LPAR6: variants seen among roughly 807,000 people sequenced by gnomAD.
The protein encoded by LPAR6 is G-protein coupled purinergic receptor P2Y5.
In LPAR6, 17 loss-of-function variants were observed where a neutral mutation model predicts 22.0. The observed-to-expected ratio is 0.77, with a 90% CI of 0.53 to 1.16. LPAR6 has a LOEUF of 1.16. Among genes scored for constraint, LPAR6 ranks in the 50% most tolerant of loss-of-function variants. The pLI is 0.00. For missense variants in LPAR6, 384 were observed against 406.9 expected (o/e 0.94, Z 0.48); for synonymous variants, 136 against 139.8 (o/e 0.97, Z 0.19).
At chr13:48,402,879 C>T (rs1484608912) in intron 1 of LPAR6, among the ~76,000 whole-genome samples, 1 of 152,000 alleles carries the variant, frequency 6.6e-6, no homozygotes, top group Non-Finnish European at 1.5e-5. Context: ...ACCTATATGA[C>T]ATATAAATCA....
At chr13:48,403,782 A>G (rs1376104356) in intron 1 of LPAR6, among the ~76,000 whole-genome samples, 1 of 152,074 alleles carries the variant, frequency 6.6e-6, no homozygotes, top group Non-Finnish European at 1.5e-5. Flanking sequence ...TCTGGGTACT[A>G]CACTTTGTGA....
downstream of LPAR6, among the ~76,000 whole-genome samples, chr13:48,409,852 T>G (rs1344433722): frequency 6.6e-6 from 1 of 152,126 alleles, no homozygotes; most frequent in Non-Finnish European, 1.5e-5. Context: ...GTGCTAGGAT[T>G]ACAGGTGTGA....
At chr13:48,401,749 G>A (rs181932437) in intron 1 of LPAR6, among the ~76,000 whole-genome samples, 5 of 152,260 alleles carry the variant, frequency 3.3e-5, no homozygotes, top group Admixed American at 6.5e-5. Flanking sequence ...ATAAGGAAAC[G>A]TAGAATAGGA....
chr13:48,398,407 C>A (rs1037747439), intron 1 of LPAR6, among the ~76,000 whole-genome samples: 1 of 152,074 alleles, frequency 6.6e-6, no homozygotes, highest in African/African-American at 2.4e-5. Flanking sequence ...GTTCTAAATG[C>A]AACTTTGCTT....
At chr13:48,405,946 A>G (rs1008335394) in intron 1 of LPAR6, among the ~76,000 whole-genome samples, 2 of 152,062 alleles carry the variant, frequency 1.3e-5, no homozygotes, top group East Asian at 3.8e-4. Flanking sequence ...AAGTCATTCC[A>G]TATCAATTTA....
intron 1 of LPAR6, among the ~76,000 whole-genome samples, chr13:48,424,417 A>C (rs181727903): frequency 9.8e-4 from 150 of 152,340 alleles, no homozygotes; most frequent in Non-Finnish European, 1.6e-3. Context: ...GTAGAAGAGG[A>C]AAGATTTAAA....
chr13:48,431,563 T>C (rs186039976), upstream of LPAR6, among the ~76,000 whole-genome samples: 93 of 152,126 alleles, frequency 6.1e-4, no homozygotes, highest in Non-Finnish European at 1.5e-4. Flanking sequence ...CTGTGGTTAC[T>C]TTTTTTTATT....
intron 1 of LPAR6, among the ~76,000 whole-genome samples, chr13:48,442,143 G>A (rs1262828223): frequency 6.6e-6 from 1 of 151,920 alleles, no homozygotes; most frequent in African/African-American, 2.4e-5. Flanking sequence ...CTCTTTTAAT[G>A]TCTGTTTCTC....
chr13:48,416,104 G>T (rs1336424728), upstream of LPAR6, among the ~76,000 whole-genome samples: 3 of 151,948 alleles, frequency 2.0e-5, no homozygotes, highest in African/African-American at 4.8e-5. Flanking sequence ...GGATTTTTTG[G>T]GGGGAGCGAA....
intron 1 of LPAR6, among the ~76,000 whole-genome samples, chr13:48,426,381 T>C (rs895653815): frequency 6.6e-6 from 1 of 152,222 alleles, no homozygotes; most frequent in Non-Finnish European, 1.5e-5. Context: ...ATGTGATGCA[T>C]TTGGTATGCC....
At chr13:48,435,993 CTA>C (rs1949179395) in intron 1 of LPAR6, among the ~76,000 whole-genome samples, 1 of 152,150 alleles carries the variant, frequency 6.6e-6, no homozygotes, top group African/African-American at 2.4e-5. Context: ...AAACCCAACT[CTA>C]TGCTATCTAA....
At chr13:48,395,449 T>G (rs1348221653) in intron 1 of LPAR6, among the ~76,000 whole-genome samples, 2 of 152,108 alleles carry the variant, frequency 1.3e-5, no homozygotes, top group African/African-American at 4.8e-5. Context: ...AGGACCATGT[T>G]CTAACCCAAT....
intron 1 of LPAR6, among the ~76,000 whole-genome samples, chr13:48,397,546 G>A (rs948967971): frequency 2.6e-5 from 4 of 152,168 alleles, no homozygotes; most frequent in African/African-American, 7.2e-5. Flanking sequence ...TAATGTAGAT[G>A]ATGGGTTGAT....
At chr13:48,430,570 T>C (rs763978617), upstream of LPAR6, among the ~76,000 whole-genome samples, 7 of 151,948 alleles carry the variant, frequency 4.6e-5, no homozygotes, top group Non-Finnish European at 8.8e-5. Context: ...TGAAACCCCG[T>C]CTCTACTAAA....
At chr13:48,421,678 G>T (rs1394293917) in intron 2 of LPAR6, among the ~76,000 whole-genome samples, 2 of 151,828 alleles carry the variant, frequency 1.3e-5, no homozygotes, top group African/African-American at 4.8e-5. Context: ...CAGGAAAAAA[G>T]CAAACAACTC....
chr13:48,396,025 A>G (rs1189873477), intron 1 of LPAR6, among the ~76,000 whole-genome samples: 1 of 152,224 alleles, frequency 6.6e-6, no homozygotes, highest in African/African-American at 2.4e-5. Flanking sequence ...AAAACATTCC[A>G]TGCTCATGGA....
At chr13:48,436,204 C>A (rs1949181914) in intron 1 of LPAR6, among the ~76,000 whole-genome samples, 1 of 152,102 alleles carries the variant, frequency 6.6e-6, no homozygotes, top group African/African-American at 2.4e-5. Context: ...GAAATGAGTT[C>A]ATGTTAATGT....
At chr13:48,409,284 A>G (rs1295623780), downstream of LPAR6, among the ~76,000 whole-genome samples, 8 of 151,730 alleles carry the variant, frequency 5.3e-5, no homozygotes, top group East Asian at 1.4e-3. Context: ...AGGTTTATCT[A>G]AAGGAAACCA....
chr13:48,413,171 T>A (rs1237108900), upstream of LPAR6: 1 of 167,296 alleles, frequency 6.0e-6, no homozygotes, highest in East Asian at 1.9e-4. Context: ...AAGAAGAGGC[T>A]GGGTTTGGAC....
Sources: gnomAD v4.1 joint callset for allele counts (sites outside exome capture counted in the v4.1 genomes callset) on GRCh38, gnomAD v4.1.1 for gene constraint, MANE v1.5 for transcripts, NCBI Gene and HGNC (gene_info 2026-07-23, HGNC 2026-07-21) for gene names.